The following LGSN variants were observed in gnomAD, a reference collection of about 807,000 sequenced individuals.
LGSN encodes the protein lengsin.
Under a neutral mutation model 19.5 loss-of-function variants are expected in LGSN, and 21 were observed. That is an observed-to-expected ratio of 1.07 (90% CI 0.76 to 1.55). LGSN has a LOEUF of 1.55. LGSN is among the 40% of genes most tolerant of loss of function. The pLI, the probability that LGSN is intolerant of heterozygous loss-of-function variation, is 0.00. For missense variants in LGSN, 673 were observed against 608.5 expected (o/e 1.11, Z -1.12); for synonymous variants, 257 against 215.6 (o/e 1.19, Z -1.68).
chr6:63,568,197 T>A, the LGSN span, among the ~76,000 whole-genome samples: 3 of 152,244 alleles, frequency 2.0e-5, no homozygotes, highest in Non-Finnish European at 4.4e-5. Context: ...CTTGACTGTT[T>A]TGGGTATGAG....
At chr6:63,292,698 A>G (rs1767825534) in intron 2 of LGSN, among the ~76,000 whole-genome samples, 2 of 152,128 alleles carry the variant, frequency 1.3e-5, no homozygotes, top group African/African-American at 4.8e-5. Context: ...GTCTGTCCAT[A>G]ACTCCACTAA....
chr6:63,571,055 C>G, the LGSN span: 1 of 152,112 alleles, frequency 6.6e-6, no homozygotes, highest in Admixed American at 6.6e-5. Flanking sequence ...CTCAAGTGTG[C>G]TAGTTTTCCT....
intron 3 of LGSN, among the ~76,000 whole-genome samples, chr6:63,283,250 C>T (rs1767389572): frequency 6.6e-6 from 1 of 152,018 alleles, no homozygotes; most frequent in Non-Finnish European, 1.5e-5. Context: ...TTAATATATT[C>T]ATGATAATAT....
At chr6:63,563,704 G>T in the LGSN span, among the ~76,000 whole-genome samples, 1 of 152,148 alleles carries the variant, frequency 6.6e-6, no homozygotes, top group African/African-American at 2.4e-5. Context: ...CATATGTGTT[G>T]GGGAAGGAGG....
chr6:63,406,881 T>C, the LGSN span, among the ~76,000 whole-genome samples: 1 of 152,070 alleles, frequency 6.6e-6, no homozygotes, highest in Admixed American at 6.5e-5. Flanking sequence ...CAAACTACCA[T>C]CAGAGAATAC....
the LGSN span, among the ~76,000 whole-genome samples, chr6:63,465,332 C>G: frequency 1.3e-5 from 2 of 151,924 alleles, no homozygotes; most frequent in Non-Finnish European, 1.5e-5. Flanking sequence ...AGGCACCCAC[C>G]ACCACACCCA....
At chr6:63,343,707 T>G in the LGSN span, among the ~76,000 whole-genome samples, 2 of 152,212 alleles carry the variant, frequency 1.3e-5, no homozygotes, top group African/African-American at 4.8e-5. Flanking sequence ...ATCAAACTAC[T>G]CTAGGTACTG....
At chr6:63,282,917 T>C (rs1240921014) in intron 3 of LGSN, among the ~76,000 whole-genome samples, 1 of 152,202 alleles carries the variant, frequency 6.6e-6, no homozygotes, top group Non-Finnish European at 1.5e-5. Flanking sequence ...TTTTTTAGTT[T>C]GAAATTCTGT....
chr6:63,411,293 G>A, the LGSN span, among the ~76,000 whole-genome samples: 2 of 152,094 alleles, frequency 1.3e-5, no homozygotes, highest in African/African-American at 4.8e-5. Flanking sequence ...TTCAGTTTTC[G>A]GTTTTGTTAG....
At chr6:63,368,094 AT>A in the LGSN span, among the ~76,000 whole-genome samples, 10 of 151,068 alleles carry the variant, frequency 6.6e-5, no homozygotes, top group South Asian at 8.4e-4. Context: ...GTATAAAAAA[AT>A]AAAAAAGAAA....
intron 1 of LGSN, among the ~76,000 whole-genome samples, chr6:63,319,461 A>G (rs1484004580): frequency 1.3e-5 from 2 of 152,208 alleles, no homozygotes; most frequent in Non-Finnish European, 2.9e-5. Flanking sequence ...GCTAGACCCT[A>G]TAAGTGGCTA....
At chr6:63,302,899 G>T (rs763325171) in intron 1 of LGSN, among the ~76,000 whole-genome samples, 1 of 152,120 alleles carries the variant, frequency 6.6e-6, no homozygotes, top group Non-Finnish European at 1.5e-5. Context: ...TGCCGAGGTA[G>T]GTGGATCACT....
At chr6:63,365,672 A>C in the LGSN span, among the ~76,000 whole-genome samples, 1 of 152,152 alleles carries the variant, frequency 6.6e-6, no homozygotes, top group Non-Finnish European at 1.5e-5. Flanking sequence ...GATGAACATC[A>C]ATGCAAAAAT....
chr6:63,456,788 C>CAAAGCAGAGAAGGGAAG, the LGSN span, among the ~76,000 whole-genome samples: 10 of 152,104 alleles, frequency 6.6e-5, no homozygotes, highest in African/African-American at 2.2e-4. Flanking sequence ...CCCCCTTCAT[C>CAAAGCAGAGAAGGGAAG]AAAGCAGAGA....
At chr6:63,478,415 T>A in the LGSN span, among the ~76,000 whole-genome samples, 1 of 152,092 alleles carries the variant, frequency 6.6e-6, no homozygotes, top group Admixed American at 6.6e-5. Context: ...GTGATGAAAA[T>A]GTTCTGGTAA....
the LGSN span, among the ~76,000 whole-genome samples, chr6:63,538,380 A>G: frequency 6.6e-6 from 1 of 152,240 alleles, no homozygotes; most frequent in Non-Finnish European, 1.5e-5. Flanking sequence ...ACTTGCAAAA[A>G]CTGAGACTGA....
rs962717235 is a variant in LGSN, at chr6:63,279,138, T to C, written c.*883A>G. ...GAATAACAAACTTAAACTCCAAACA[T>C]AGCCCTGGCTAGCCAGGCAGTTGTT... On this transcript the variant is annotated 3_prime_UTR_variant, in exon 4 of 4. Transcript: ENST00000370657. 7 of 152,296 alleles carry C rather than the reference T, an allele frequency of 4.6e-5. No individual in the cohort carries two copies. The East Asian group carries it at 1.4e-3, about 29-fold the overall frequency. 9.4% of individuals were successfully genotyped at this position (152,296 alleles called of 1,614,324 possible).
chr6:63,450,679 G>GA, the LGSN span, among the ~76,000 whole-genome samples: 1 of 144,970 alleles, frequency 6.9e-6, no homozygotes, highest in South Asian at 2.2e-4. Context: ...GATTATAATG[G>GA]TTTTTTTTTT....
the LGSN span, among the ~76,000 whole-genome samples, chr6:63,412,768 AAAGGAAG>A: frequency 1.5e-3 from 35 of 22,766 alleles, no homozygotes; most frequent in Non-Finnish European, 2.8e-3. Flanking sequence ...AGAAAGAAAG[AAAGGAAG>A]GAAGGGAAGG....
Sources: allele counts gnomAD v4.1 joint callset (sites outside exome capture counted in the v4.1 genomes callset), GRCh38; gene constraint gnomAD v4.1.1; transcripts MANE v1.5; gene names NCBI Gene and HGNC (gene_info 2026-07-23, HGNC 2026-07-21).